Variants in PTPRK observed in about 807,000 individuals in gnomAD.
PTPRK encodes the protein protein tyrosine phosphatase receptor type K.
In PTPRK, 75 loss-of-function variants were observed where a neutral mutation model predicts 178.0. That is an observed-to-expected ratio of 0.42 (90% CI 0.35 to 0.51). The LOEUF is 0.51. Ranked by LOEUF, PTPRK falls within the 20% of genes least tolerant of loss-of-function variation. The probability of loss-of-function intolerance (pLI) is 0.02; values close to 1 mark genes in which losing one functional copy is unlikely to be tolerated. For synonymous variants in PTPRK, 637 were observed against 620.6 expected (o/e 1.03, Z -0.39); for missense variants, 1,441 against 1,797.8 (o/e 0.80, Z 3.59).
intron 19 of PTPRK, among the ~76,000 whole-genome samples, chr6:127,991,840 T>C (rs6936878): frequency 0.24 from 36,503 of 151,462 alleles, 5,223 homozygotes; most frequent in East Asian, 0.42. Context: ...CCTAATCTTA[T>C]CATAATATCT....
At chr6:128,077,785 G>A (rs920956122) in intron 11 of PTPRK, among the ~76,000 whole-genome samples, 1 of 151,944 alleles carries the variant, frequency 6.6e-6, no homozygotes, top group Non-Finnish European at 1.5e-5. Flanking sequence ...AAATTAAAAT[G>A]GTTGTAACAA....
At chr6:128,339,203 C>A (rs918359021) in intron 2 of PTPRK, among the ~76,000 whole-genome samples, 7 of 152,146 alleles carry the variant, frequency 4.6e-5, no homozygotes, top group African/African-American at 1.4e-4. Context: ...AAGCTTCTAA[C>A]TTACACAGCT....
chr6:128,079,575 G>T (rs1784447613), intron 10 of PTPRK, among the ~76,000 whole-genome samples: 1 of 151,958 alleles, frequency 6.6e-6, no homozygotes, highest in African/African-American at 2.4e-5. Flanking sequence ...GGGAAAAAGA[G>T]TTACCTCAAA....
chr6:128,461,002 G>A (rs542403931), intron 1 of PTPRK, among the ~76,000 whole-genome samples: 9 of 152,042 alleles, frequency 5.9e-5, no homozygotes, highest in African/African-American at 1.7e-4. Context: ...TCATCTTTAA[G>A]GAAGAATAGT....
At position 128,520,544 on chromosome 6, in the gene PTPRK, C is replaced by T; in HGVS notation, c.-186G>A. 1.7e-6 allele frequency: 1 copy of T among 581,344 alleles called. No individual in the cohort carries two copies. The highest frequency in any genetic ancestry group is 2.9e-5 in the East Asian group (1 of 34,610). 36.0% of individuals were successfully genotyped at this position (581,344 alleles called of 1,614,324 possible). Reference sequence around the variant, plus strand: ...TCAGGGGCGAAAGCGTCGCCAGCGTCGCCGGCCGGCCGCGGCGGCAGCTCT... The same window carrying T: ...TCAGGGGCGAAAGCGTCGCCAGCGTTGCCGGCCGGCCGCGGCGGCAGCTCT... On this transcript the variant is annotated 5_prime_UTR_variant, in exon 1 of 30. Transcript: ENST00000368226.
chr6:128,506,515 C>T (rs2128440489), intron 1 of PTPRK, among the ~76,000 whole-genome samples: 1 of 151,782 alleles, frequency 6.6e-6, no homozygotes, highest in African/African-American at 2.4e-5. Context: ...TAAAAATTAG[C>T]CAGGTATGGT....
intron 1 of PTPRK, among the ~76,000 whole-genome samples, chr6:128,437,884 G>A (rs1025463793): frequency 6.6e-6 from 1 of 152,192 alleles, no homozygotes; most frequent in Non-Finnish European, 1.5e-5. Context: ...AGAAGGGCAG[G>A]GTTAACAGGA....
In PTPRK at chr6:128,449,016, C is replaced by T. The variant is rs9398870; in HGVS notation, c.101-51328G>A. On this transcript the variant is annotated intron_variant, in intron 1 of 29. Coordinates refer to ENST00000368226, the MANE Select transcript of PTPRK (RefSeq NM_002844.4). The stretch of plus-strand genomic sequence containing the variant: ...CTGGGACTACAGGCACCCACCACCA[C>T]GCCTGGCTAATTTTTTTTTTCCCCC... 0.038 allele frequency among the ~76,000 whole-genome samples: 5,796 copies of T among 152,048 alleles called. 999 individuals are homozygous for T. The East Asian group carries it at 0.58, about 15-fold the overall frequency.
At position 127,981,132 on chromosome 6, in the gene PTPRK, T is replaced by C. The variant is rs750560191; in HGVS notation, c.3695A>G (p.Asn1232Ser). 10 of 1,613,892 alleles carry C rather than the reference T, an allele frequency of 6.2e-6. No individual in the cohort carries two copies. Among genetic ancestry groups the C allele is most frequent in the Non-Finnish European group, 7.6e-6 (9 of 1,179,910 alleles). ...TIDGESSNYI[N>S]AALMDSYRQP... ...GTCTCTTACGTCCATAAGAGCAGCATTGATGTAGTTACTGCTCTCCCCATC... is the reference window on the plus strand; with the variant it reads ...GTCTCTTACGTCCATAAGAGCAGCACTGATGTAGTTACTGCTCTCCCCATC... The change falls in exon 25 of 30, where the codon AAT becomes AGT. Residue 1232 changes from asparagine to serine, a missense_variant. Around this residue, in one of 4 missense-constraint regions of PTPRK, gnomAD observed 335 missense variants for 512.4 expected, o/e 0.65. Coordinates refer to ENST00000368226, the MANE Select transcript of PTPRK (RefSeq NM_002844.4).
rs1047014465 is a variant in PTPRK at position 127,988,977 on chromosome 6, G to T, written c.3096+1792C>A. Among the ~76,000 whole-genome samples, 7 of 151,812 alleles carry T rather than the reference G, an allele frequency of 4.6e-5. No individual in the cohort carries two copies. In the South Asian group the frequency reaches 8.3e-4, roughly 18 times the overall value. ...AGGTAAATTTTGATGTAAAACTATTGATCTATATAATATAATTTTAGTTTT... is the reference window on the plus strand; with the variant it reads ...AGGTAAATTTTGATGTAAAACTATTTATCTATATAATATAATTTTAGTTTT... On this transcript the variant is annotated intron_variant, in intron 21 of 29. Coordinates refer to ENST00000368226, the MANE Select transcript of PTPRK (RefSeq NM_002844.4).
chr6:128,130,282 G>A (rs1794016437), intron 7 of PTPRK, among the ~76,000 whole-genome samples: 1 of 152,062 alleles, frequency 6.6e-6, no homozygotes. Flanking sequence ...TTTCTCAAAG[G>A]ATAGGCTCTC....
rs369016976 is a variant in PTPRK, at chr6:128,251,835, G to T, written c.496-9233C>A. On this transcript the variant is annotated intron_variant, in intron 3 of 29. Transcript: ENST00000368226. ...AACATCAATTTATCCAATTACAAGGGCTTTGATTACAAAAATATCCTGAGG... is the reference window on the plus strand; with the variant it reads ...AACATCAATTTATCCAATTACAAGGTCTTTGATTACAAAAATATCCTGAGG... 5.3e-5 allele frequency among the ~76,000 whole-genome samples: 8 copies of T among 152,188 alleles called. No individual in the cohort carries two copies. In the South Asian group the frequency reaches 1.2e-3, roughly 24 times the overall value.
intron 3 of PTPRK, among the ~76,000 whole-genome samples, chr6:128,274,111 C>T (rs1468515995): frequency 6.6e-6 from 1 of 152,060 alleles, no homozygotes; most frequent in African/African-American, 2.4e-5. Context: ...TTAAATTATA[C>T]CTTTACAATA....
chr6:128,246,439 T>TA lies in PTPRK; in HGVS notation c.496-3838dup, dbSNP rs78830574. 1.5e-3 allele frequency among the ~76,000 whole-genome samples: 217 copies of TA among 144,592 alleles called. 1 individual carries two copies. Among genetic ancestry groups the TA allele is most frequent in the African/African-American group, 3.9e-3 (154 of 39,648 alleles). The allele number at this position is 144,592 out of a possible 152,430, so 94.9% of individuals were successfully genotyped here. A position where few individuals can be genotyped will look rare whatever the true frequency, so the allele number is the denominator to read the frequency against. The stretch of plus-strand genomic sequence containing the variant: ...GAGGCAAAATAATTGGTTCTTTATT[T>TA]AAAAAAAAAAAAAGTTCCTCTTTTT... On this transcript the variant is annotated intron_variant, in intron 3 of 29. Coordinates refer to ENST00000368226, the MANE Select transcript of PTPRK (RefSeq NM_002844.4).
chr6:128,436,187 G>GTC (rs772736557), intron 1 of PTPRK, among the ~76,000 whole-genome samples: 2 of 152,002 alleles, frequency 1.3e-5, no homozygotes, highest in Non-Finnish European at 2.9e-5. Context: ...GTCCCCAAAA[G>GTC]ACTGGTAGAT....
chr6:127,989,484 A>C (rs112073442), intron 21 of PTPRK, among the ~76,000 whole-genome samples: 155 of 152,082 alleles, frequency 1.0e-3, no homozygotes, highest in African/African-American at 3.4e-3. Context: ...TTGGGCATTT[A>C]TGGTTATCTA....
intron 2 of PTPRK, among the ~76,000 whole-genome samples, chr6:128,360,830 T>C (rs1464296620): frequency 6.6e-6 from 1 of 152,170 alleles, no homozygotes; most frequent in Admixed American, 6.5e-5. Flanking sequence ...GTTTTCAACA[T>C]TGCACCGCTA....
chr6:128,378,478 GA>G (rs1837420866), intron 2 of PTPRK, among the ~76,000 whole-genome samples: 1 of 151,944 alleles, frequency 6.6e-6, no homozygotes, highest in Non-Finnish European at 1.5e-5. Context: ...TCTTGGTTAT[GA>G]GACTTATGTA....
chr6:128,206,518 T>C (rs895937187), intron 6 of PTPRK, among the ~76,000 whole-genome samples: 2 of 151,632 alleles, frequency 1.3e-5, no homozygotes, highest in Admixed American at 1.3e-4. Context: ...GGATTATCAG[T>C]ATTAATTGTT....
Sources: allele counts gnomAD v4.1 joint callset (sites outside exome capture counted in the v4.1 genomes callset), GRCh38; gene constraint gnomAD v4.1.1; regional missense constraint gnomAD v4.1.1; transcripts MANE v1.5; gene names NCBI Gene and HGNC (gene_info 2026-07-23, HGNC 2026-07-21).